CA10: variants seen among roughly 807,000 people sequenced by gnomAD.
CA10 encodes carbonic anhydrase 10 (inactive).
CA10 carries 14 observed loss-of-function variants against 44.2 expected under a neutral mutation model. That is an observed-to-expected ratio of 0.32 (90% CI 0.21 to 0.50). CA10 has a LOEUF of 0.50. Among genes scored for constraint, CA10 ranks in the 20% least tolerant of loss-of-function variants. CA10 has a pLI of 0.99. For synonymous variants in CA10, 159 were observed against 141.6 expected (o/e 1.12, Z -0.87); for missense variants, 350 against 409.7 (o/e 0.85, Z 1.26).
chr17:51,648,232 T>C (rs1280887254), intron 6 of CA10, among the ~76,000 whole-genome samples: 1 of 152,236 alleles, frequency 6.6e-6, no homozygotes, highest in African/African-American at 2.4e-5. Context: ...GCTGAGCTCC[T>C]GGCTTGGTGA....
At position 51,858,479 on chromosome 17, in the gene CA10, C is replaced by T. The variant is rs994115341; in HGVS notation, c.279+72511G>A. On this transcript the variant is annotated intron_variant, in intron 3 of 8. Coordinates refer to ENST00000451037, the MANE Select transcript of CA10 (RefSeq NM_020178.5). Reference sequence around the variant, plus strand: ...ACAGTCAGCTGCTGGGTAATAGCTCCGGTTACAGCTGAAAATGTTAGTCAT... The same window carrying T: ...ACAGTCAGCTGCTGGGTAATAGCTCTGGTTACAGCTGAAAATGTTAGTCAT... Among the ~76,000 whole-genome samples the T allele has an allele frequency of 1.2e-4, 19 of 152,170 alleles. No individual in the cohort carries two copies. In the East Asian group the frequency reaches 1.7e-3, roughly 14 times the overall value.
At chr17:51,877,177 CA>C (rs1484729318) in intron 3 of CA10, among the ~76,000 whole-genome samples, 1 of 152,206 alleles carries the variant, frequency 6.6e-6, no homozygotes, top group Non-Finnish European at 1.5e-5. Flanking sequence ...CAACCACCTA[CA>C]GTCCAGATGG....
chr17:51,884,629 G>A (rs982412279), intron 3 of CA10, among the ~76,000 whole-genome samples: 2 of 152,096 alleles, frequency 1.3e-5, no homozygotes, highest in African/African-American at 4.8e-5. Context: ...CTTCTTCATA[G>A]CACTTAGTAC....
chr17:51,883,614 A>G (rs2523005), intron 3 of CA10, among the ~76,000 whole-genome samples: 150,963 of 152,174 alleles, frequency 0.99, 74,882 homozygotes, highest in East Asian at 1. Context: ...TTCTTCTTTC[A>G]TCTTCCAGGA....
chr17:52,125,175 G>C (rs1385125160), intron 1 of CA10, among the ~76,000 whole-genome samples: 3 of 152,222 alleles, frequency 2.0e-5, no homozygotes, highest in Non-Finnish European at 4.4e-5. Context: ...AGTCAGCGTT[G>C]GTGTCAGTCT....
At chr17:51,641,151 G>GCT (rs1174508354) in intron 6 of CA10, among the ~76,000 whole-genome samples, 100 of 143,910 alleles carry the variant, frequency 6.9e-4, no homozygotes, top group Non-Finnish European at 1.3e-3. Context: ...CTCTCTCTCA[G>GCT]CTCTCTCTCT....
intron 2 of CA10, among the ~76,000 whole-genome samples, chr17:52,070,245 T>G (rs1319979233): frequency 3.9e-5 from 6 of 152,156 alleles, no homozygotes. Context: ...GTAGAAACCC[T>G]TGACCTTATA....
At chr17:52,159,976 G>A (rs1011897488), upstream of CA10, 3 of 152,300 alleles carry the variant, frequency 2.0e-5, no homozygotes, top group African/African-American at 7.2e-5. Flanking sequence ...TCCCTGGGAA[G>A]ATCCAGGATT....
At chr17:52,056,005 T>C (rs1291835339) in intron 2 of CA10, among the ~76,000 whole-genome samples, 1 of 152,026 alleles carries the variant, frequency 6.6e-6, no homozygotes, top group Admixed American at 6.6e-5. Flanking sequence ...TGACTGGAAC[T>C]AGGGTGGGAG....
At chr17:52,149,780 G>A (rs1204532761) in intron 1 of CA10, among the ~76,000 whole-genome samples, 1 of 152,132 alleles carries the variant, frequency 6.6e-6, no homozygotes, top group Admixed American at 6.6e-5. Context: ...AAGCTTCTGG[G>A]AAGCCATCTG....
At chr17:51,635,803 T>C in intron 7 of CA10, 52 bp downstream of exon 7, 6 of 1,419,022 alleles carry the variant, frequency 4.2e-6, no homozygotes, top group Non-Finnish European at 5.7e-6. Context: ...TTCAGTGATT[T>C]TTTTTTAACA....
intron 2 of CA10, among the ~76,000 whole-genome samples, chr17:51,959,052 G>T (rs1983770235): frequency 6.6e-6 from 1 of 151,896 alleles, no homozygotes; most frequent in Non-Finnish European, 1.5e-5. Context: ...TTGGACTCTA[G>T]GACAGCCCAA....
intron 2 of CA10, among the ~76,000 whole-genome samples, chr17:52,013,614 T>C (rs534931640): frequency 6.6e-6 from 1 of 152,066 alleles, no homozygotes; most frequent in Non-Finnish European, 1.5e-5. Context: ...TAGATTACCA[T>C]CCAAGAAACA....
At chr17:52,048,055 A>AAC (rs1555561572) in intron 2 of CA10, among the ~76,000 whole-genome samples, 1 of 151,876 alleles carries the variant, frequency 6.6e-6, no homozygotes, top group East Asian at 2.0e-4. Context: ...AAAAAAAAAA[A>AAC]AAACATTTGT....
Position 51,924,571 on chromosome 17 carries a change from C to T in CA10, c.279+6419G>A, listed in dbSNP as rs1982351263. Among the ~76,000 whole-genome samples, 4 of 152,132 alleles carry T rather than the reference C, an allele frequency of 2.6e-5. No individual in the cohort carries two copies. The South Asian group carries it at 8.3e-4, about 32-fold the overall frequency. On this transcript the variant is annotated intron_variant, in intron 3 of 8. Coordinates refer to ENST00000451037, the MANE Select transcript of CA10 (RefSeq NM_020178.5). ...CCTTGCTTAGGGGCTTGGAGGCTGG[C>T]TTGCATGGACTGATTCAACAAGCTC... is the stretch of plus-strand genomic sequence containing the variant.
At chr17:51,726,246 A>G (rs1916517930) in intron 4 of CA10, among the ~76,000 whole-genome samples, 1 of 148,224 alleles carries the variant, frequency 6.7e-6, no homozygotes, top group Non-Finnish European at 1.5e-5. Context: ...TTTCTCTGAG[A>G]GGCTGATCTA....
chr17:51,893,305 T>C (rs1481717437), intron 3 of CA10, among the ~76,000 whole-genome samples: 1 of 152,134 alleles, frequency 6.6e-6, no homozygotes. Flanking sequence ...GCCAGGGTTA[T>C]AGTAAAGGGC....
At chr17:52,005,143 A>G (rs1460957428) in intron 2 of CA10, among the ~76,000 whole-genome samples, 10 of 151,952 alleles carry the variant, frequency 6.6e-5, no homozygotes, top group Admixed American at 6.6e-4. Context: ...CATTTCTCCC[A>G]TAAAATGTAG....
chr17:52,053,210 C>T (rs971977715), intron 2 of CA10, among the ~76,000 whole-genome samples: 3 of 152,098 alleles, frequency 2.0e-5, no homozygotes, highest in East Asian at 1.9e-4. Flanking sequence ...TCAGCATTGT[C>T]TCCATTTCTA....
Sources: gnomAD v4.1 joint callset for allele counts (sites outside exome capture counted in the v4.1 genomes callset) on GRCh38, gnomAD v4.1.1 for gene constraint, MANE v1.5 for transcripts, NCBI Gene and HGNC (gene_info 2026-07-23, HGNC 2026-07-21) for gene names.